CEP85L: variants seen among roughly 807,000 people sequenced by gnomAD.
The protein encoded by CEP85L is centrosomal protein 85L, also known as centrosomal protein of 85 kDa-like.
CEP85L carries 60 observed loss-of-function variants against 100.3 expected under a neutral mutation model. That is an observed-to-expected ratio of 0.60 (90% CI 0.49 to 0.74). The LOEUF (loss-of-function observed/expected upper bound fraction) is 0.74, where lower values mean the gene tolerates loss of function less well. Ranked by LOEUF, CEP85L falls within the 30% of genes least tolerant of loss-of-function variation. The pLI, the probability that CEP85L is intolerant of heterozygous loss-of-function variation, is 0.00. For missense variants in CEP85L, 973 were observed against 936.2 expected, an observed-to-expected ratio of 1.04 and a Z score of -0.51; for synonymous variants, 319 against 322.7, an observed-to-expected ratio of 0.99 and a Z score of 0.12.
At chr6:118,646,726 C>T (rs1198015672) in intron 1 of CEP85L, among the ~76,000 whole-genome samples, 4 of 152,160 alleles carry the variant, frequency 2.6e-5, no homozygotes, top group Non-Finnish European at 5.9e-5. Context: ...TTTCTTAATG[C>T]AAAATTTATG....
At chr6:118,629,765 C>T (rs774868252) in intron 2 of CEP85L, among the ~76,000 whole-genome samples, 3 of 152,148 alleles carry the variant, frequency 2.0e-5, no homozygotes, top group Non-Finnish European at 4.4e-5. Flanking sequence ...GACTACTGGA[C>T]CCTCCTTTAG....
At position 118,523,913 on chromosome 6, in the gene CEP85L, G is replaced by A. The variant is rs1776806764; in HGVS notation, c.1028C>T (p.Thr343Ile). 1 of 1,528,296 alleles carries A rather than the reference G, an allele frequency of 6.5e-7. No individual in the cohort carries two copies. The highest frequency in any genetic ancestry group is 9.0e-7 in the Non-Finnish European group (1 of 1,107,076). The allele number at this position is 1,528,296 out of a possible 1,614,324, so 94.7% of individuals were successfully genotyped here. A position where few individuals can be genotyped will look rare whatever the true frequency, so the allele number is the denominator to read the frequency against. The change falls in exon 4 of 13, where the codon ACT becomes ATT. Residue 343 changes from threonine (T) to isoleucine (I), a missense_variant. Thr to Ile is a moderately conservative substitution (Grantham distance 89, BLOSUM62 -1). Coordinates refer to ENST00000368491, the MANE Select transcript of CEP85L (RefSeq NM_001042475.3). The part of the protein sequence containing the change: ...QGSETPMQVL[T>I]GSSRQSYSPG... ...TGAATAACTTTGACGAGATGATCCAGTCAAAACCTGCAGAAACATGTTTAC... is the reference window on the plus strand; with the variant it reads ...TGAATAACTTTGACGAGATGATCCAATCAAAACCTGCAGAAACATGTTTAC...
intron 5 of CEP85L, among the ~76,000 whole-genome samples, chr6:118,499,498 T>C (rs1030920145): frequency 2.6e-5 from 4 of 152,038 alleles, no homozygotes; most frequent in African/African-American, 7.2e-5. Context: ...ACCCCGTCTC[T>C]ACTAAAAATA....
chr6:118,482,034 A>T (rs1231749040), intron 7 of CEP85L, 101 bp from the exon 8 acceptor site: 4 of 28,884 alleles, frequency 1.4e-4, no homozygotes, highest in East Asian at 3.3e-4. Context: ...CTTGTAGCTA[A>T]AAAAAAAAAA....
At chr6:118,703,022 G>C (rs1190773621) in intron 1 of CEP85L, among the ~76,000 whole-genome samples, 1 of 147,686 alleles carries the variant, frequency 6.8e-6, no homozygotes, top group Non-Finnish European at 1.5e-5. Flanking sequence ...AAAAGAGCTA[G>C]AGTTCATTTT....
intron 2 of CEP85L, among the ~76,000 whole-genome samples, chr6:118,598,080 T>C (rs1003853034): frequency 3.3e-5 from 5 of 152,266 alleles, no homozygotes; most frequent in Admixed American, 1.3e-4. Context: ...GAGTATGATT[T>C]GCTTACAGCA....
intron 2 of CEP85L, among the ~76,000 whole-genome samples, chr6:118,599,162 T>C (rs1250072857): frequency 6.6e-6 from 1 of 152,208 alleles, no homozygotes; most frequent in Non-Finnish European, 1.5e-5. Flanking sequence ...TCTTGGTTTC[T>C]GAATACCACT....
At chr6:118,515,070 T>G (rs929758646) in intron 4 of CEP85L, among the ~76,000 whole-genome samples, 1 of 152,034 alleles carries the variant, frequency 6.6e-6, no homozygotes, top group African/African-American at 2.4e-5. Flanking sequence ...CTCAACTTCT[T>G]GGTGTTGGAA....
At chr6:118,525,009 T>G (rs1776883985) in intron 3 of CEP85L, among the ~76,000 whole-genome samples, 1 of 152,250 alleles carries the variant, frequency 6.6e-6, no homozygotes, top group Non-Finnish European at 1.5e-5. Context: ...TGATGATTGT[T>G]TGTTTGTCTG....
At chr6:118,704,471 T>A (rs1346143229) in intron 1 of CEP85L, among the ~76,000 whole-genome samples, 1 of 152,018 alleles carries the variant, frequency 6.6e-6, no homozygotes, top group Non-Finnish European at 1.5e-5. Flanking sequence ...TCTGTTTTGT[T>A]TTGCTTTTTT....
At chr6:118,564,077 G>A (rs943139432) in intron 3 of CEP85L, among the ~76,000 whole-genome samples, 5 of 152,068 alleles carry the variant, frequency 3.3e-5, no homozygotes, top group African/African-American at 1.2e-4. Context: ...GCACTAGAAA[G>A]AAGATTTAAA....
intron 2 of CEP85L, among the ~76,000 whole-genome samples, chr6:118,587,039 C>T (rs566879372): frequency 1.3e-5 from 2 of 152,294 alleles, no homozygotes; most frequent in South Asian, 2.1e-4. Context: ...AGTAATACGT[C>T]GCACCATCTA....
Position 118,569,630 on chromosome 6 carries a change from A to T in CEP85L, c.233-3314T>A, listed in dbSNP as rs536365623. 2.0e-5 allele frequency among the ~76,000 whole-genome samples: 3 copies of T among 152,136 alleles called. No individual in the cohort carries two copies. In the South Asian group the frequency reaches 6.2e-4, roughly 31 times the overall value. ...AATGGAGATGACAACAGTGAGAATTAAATCAAAACACATAAAATACACAGA... is the reference window on the plus strand; with the variant it reads ...AATGGAGATGACAACAGTGAGAATTTAATCAAAACACATAAAATACACAGA... On this transcript the variant is annotated intron_variant, in intron 2 of 12. Transcript: ENST00000368491.
intron 12 of CEP85L, among the ~76,000 whole-genome samples, chr6:118,466,944 T>C (rs1035422290): frequency 1.3e-5 from 2 of 152,090 alleles, no homozygotes; most frequent in African/African-American, 4.8e-5. Flanking sequence ...ACAGAACTGA[T>C]AGCACTCAAT....
At chr6:118,611,666 A>G (rs1188911487) in intron 2 of CEP85L, among the ~76,000 whole-genome samples, 1 of 152,248 alleles carries the variant, frequency 6.6e-6, no homozygotes. Flanking sequence ...TATAAAACAT[A>G]TGCCATGTGA....
chr6:118,642,395 T>G (rs1774935929), intron 1 of CEP85L, among the ~76,000 whole-genome samples: 1 of 152,028 alleles, frequency 6.6e-6, no homozygotes, highest in Admixed American at 6.6e-5. Context: ...TGCTCAGACA[T>G]GAAAAGTTAG....
intron 2 of CEP85L, among the ~76,000 whole-genome samples, chr6:118,600,341 G>GTGTGTGTGTGTGTGTGTGTGTGTGTT (rs1781706249): frequency 3.7e-5 from 5 of 134,244 alleles, no homozygotes; most frequent in African/African-American, 1.4e-4. Flanking sequence ...GTGTGTGTGT[G>GTGTGTGTGTGTGTGTGTGTGTGTGTT]TGTGTGTGTG....
Position 118,565,902 on chromosome 6 carries a change from T to C in CEP85L, c.647A>G (p.Lys216Arg). The change falls in exon 3 of 13, where the codon AAG (lysine) becomes AGG (arginine). Residue 216 changes from lysine to arginine, a missense_variant. By Grantham distance (26) the Lys-to-Arg change is conservative. Transcript: ENST00000368491. Reference sequence around the variant, plus strand: ...TGATGACCGTTTTTTATTTATTTCCTTGTCCTCTAACCTAAGCATCTCCAT... The same window carrying C: ...TGATGACCGTTTTTTATTTATTTCCCTGTCCTCTAACCTAAGCATCTCCAT... Reference protein sequence around the residue: ...DSMEMLRLEDKEINKKRSSTL... With the variant: ...DSMEMLRLEDREINKKRSSTL... The C allele has an allele frequency of 6.2e-7, 1 of 1,614,180 alleles. No homozygotes were observed.
At chr6:118,486,284 G>A (rs888401439) in intron 6 of CEP85L, among the ~76,000 whole-genome samples, 1 of 152,060 alleles carries the variant, frequency 6.6e-6, no homozygotes, top group Non-Finnish European at 1.5e-5. Flanking sequence ...GATAAATGAG[G>A]TGTCACTAAT....
Sources: allele counts gnomAD v4.1 joint callset (sites outside exome capture counted in the v4.1 genomes callset), GRCh38; gene constraint gnomAD v4.1.1; transcripts MANE v1.5; gene names NCBI Gene and HGNC (gene_info 2026-07-23, HGNC 2026-07-21).